The following SPCS2 variants were observed in gnomAD, a reference collection of about 807,000 sequenced individuals.
The protein encoded by SPCS2 is SPase 25 kDa subunit.
In SPCS2, 3 loss-of-function variants were observed where a neutral mutation model predicts 22.3. That is an observed-to-expected ratio of 0.13 (90% CI 0.06 to 0.35). SPCS2 has a LOEUF of 0.35. Among genes scored for constraint, SPCS2 ranks in the 10% least tolerant of loss-of-function variants. SPCS2 has a pLI of 1.00. For synonymous variants in SPCS2, 67 were observed against 97.2 expected, an observed-to-expected ratio of 0.69 and a Z score of 1.83; for missense variants, 169 against 280.9, an observed-to-expected ratio of 0.60 and a Z score of 2.85.
intron 1 of SPCS2, among the ~76,000 whole-genome samples, chr11:74,961,751 C>T (rs1948515677): frequency 6.6e-6 from 1 of 152,068 alleles, no homozygotes. Context: ...TGGTCTCGGA[C>T]TCCTAACCTC....
At chr11:74,961,157 T>C (rs951324705) in intron 1 of SPCS2, among the ~76,000 whole-genome samples, 7 of 152,180 alleles carry the variant, frequency 4.6e-5, no homozygotes, top group Admixed American at 3.3e-4. Flanking sequence ...TGATGCAGTG[T>C]ATTATATAGT....
chr11:74,972,457 G>A (rs369940133), intron 4 of SPCS2, among the ~76,000 whole-genome samples: 8 of 152,118 alleles, frequency 5.3e-5, no homozygotes, highest in South Asian at 4.2e-4. Flanking sequence ...TCCTGGGCCC[G>A]CCCCCTCCTC....
intron 4 of SPCS2, among the ~76,000 whole-genome samples, chr11:74,975,632 T>C (rs951066750): frequency 2.8e-4 from 42 of 152,192 alleles, no homozygotes; most frequent in Non-Finnish European, 3.5e-4. Context: ...GGTCAGAACT[T>C]GAGAAAATAT....
At chr11:74,950,744 T>C (rs1948413952) in intron 1 of SPCS2, among the ~76,000 whole-genome samples, 1 of 152,214 alleles carries the variant, frequency 6.6e-6, no homozygotes, top group Non-Finnish European at 1.5e-5. Flanking sequence ...AGGGTCTTAC[T>C]GTGTTGCCCT....
chr11:74,960,126 T>C (rs1355355264), intron 1 of SPCS2, among the ~76,000 whole-genome samples: 4 of 151,934 alleles, frequency 2.6e-5, no homozygotes, highest in African/African-American at 9.7e-5. Context: ...AGGCCAGGAG[T>C]TCGAGACTAG....
chr11:74,949,623 C>G (rs201130703), intron 1 of SPCS2: 1 of 595,502 alleles, frequency 1.7e-6, no homozygotes, highest in Non-Finnish European at 3.2e-6. Flanking sequence ...CGCAAGTGTT[C>G]TGGTCCTGGT....
chr11:74,975,070 G>A lies in SPCS2; in HGVS notation c.495-1787G>A, dbSNP rs114588585. ...GAGAAATTGCCAAAATCCTAAGGAT[G>A]GCTTAGAAGTCCATACATGTCTATT... is the stretch of plus-strand genomic sequence containing the variant. On this transcript the variant is annotated intron_variant, in intron 4 of 4. Transcript: ENST00000263672. Among the ~76,000 whole-genome samples the A allele has an allele frequency of 5.8e-3, 876 of 152,124 alleles. 9 individuals are homozygous for A. Among genetic ancestry groups the A allele is most frequent in the African/African-American group, 0.02 (810 of 41,496 alleles).
intron 4 of SPCS2, among the ~76,000 whole-genome samples, chr11:74,973,779 A>G: frequency 6.6e-6 from 1 of 152,064 alleles, no homozygotes; most frequent in East Asian, 1.9e-4. Context: ...GTTGTTGGGA[A>G]GATAGAAGCC....
intron 1 of SPCS2, chr11:74,963,487 C>T (rs1196920357): frequency 2.0e-5 from 7 of 343,296 alleles, no homozygotes; most frequent in East Asian, 9.3e-5. Context: ...AATTGTATTT[C>T]TGTAGTTGTT....
At chr11:74,955,552 G>C (rs891962228) in intron 1 of SPCS2, among the ~76,000 whole-genome samples, 14 of 151,978 alleles carry the variant, frequency 9.2e-5, no homozygotes, top group African/African-American at 3.1e-4. Flanking sequence ...ACAGGAATAA[G>C]ATGTGACTGC....
At chr11:74,952,922 A>AAG (rs199810843) in intron 1 of SPCS2, among the ~76,000 whole-genome samples, 1,673 of 152,308 alleles carry the variant, frequency 0.011, 33 homozygotes, top group African/African-American at 0.036. Flanking sequence ...AATATGACAT[A>AAG]CTGTCTTGTA....
chr11:74,954,928 T>C (rs1948468044), intron 1 of SPCS2, among the ~76,000 whole-genome samples: 1 of 152,120 alleles, frequency 6.6e-6, no homozygotes. Context: ...TAGACATTTC[T>C]CCATAGAAGA....
chr11:74,949,424 G>T (rs758924264), intron 1 of SPCS2, 25 bp downstream of exon 1: 2 of 1,544,880 alleles, frequency 1.3e-6, no homozygotes, highest in South Asian at 2.4e-5. Flanking sequence ...CTTGGGAACA[G>T]TTGAATCCTG....
At chr11:74,971,178 C>T (rs759420911) in intron 4 of SPCS2, among the ~76,000 whole-genome samples, 1 of 152,192 alleles carries the variant, frequency 6.6e-6, no homozygotes, top group Non-Finnish European at 1.5e-5. Context: ...ACACAAGGTT[C>T]GTTCATGTTG....
In SPCS2 at chr11:74,953,100, CTG is replaced by C. The variant is rs911077757; in HGVS notation, c.114+3702_114+3703del. On this transcript the variant is annotated intron_variant, in intron 1 of 4. Coordinates refer to ENST00000263672, the MANE Select transcript of SPCS2 (RefSeq NM_014752.3). ...GATGGTGCCTCTAATTGTTTGAAGA[CTG>C]AGGGTACTGTGGGAGAGAACTTGGG... Among the ~76,000 whole-genome samples the C allele has an allele frequency of 1.3e-3, 203 of 151,976 alleles. 1 individual carries two copies. The highest frequency in any genetic ancestry group is 4.7e-3 in the African/African-American group (196 of 41,460).
At chr11:74,962,180 A>C (rs1433565885) in intron 1 of SPCS2, among the ~76,000 whole-genome samples, 2 of 152,258 alleles carry the variant, frequency 1.3e-5, no homozygotes. Context: ...TTGAAATTTT[A>C]GATACTGGCA....
At chr11:74,971,587 C>G (rs1386746048) in intron 4 of SPCS2, among the ~76,000 whole-genome samples, 1 of 152,122 alleles carries the variant, frequency 6.6e-6, no homozygotes, top group Non-Finnish European at 1.5e-5. Flanking sequence ...TCTTCTCCCT[C>G]CCCCACCTCA....
intron 4 of SPCS2, among the ~76,000 whole-genome samples, chr11:74,970,318 A>C (rs551544173): frequency 1.3e-5 from 2 of 152,320 alleles, no homozygotes; most frequent in African/African-American, 4.8e-5. Flanking sequence ...TTATAATAAT[A>C]GCAAATGTTT....
intron 3 of SPCS2, among the ~76,000 whole-genome samples, chr11:74,967,002 C>G (rs1240583915): frequency 6.6e-6 from 1 of 152,174 alleles, no homozygotes; most frequent in East Asian, 1.9e-4. Context: ...GCAATCCTCC[C>G]AAAGTGCTGG....
Sources: allele counts gnomAD v4.1 joint callset (sites outside exome capture counted in the v4.1 genomes callset), GRCh38; gene constraint gnomAD v4.1.1; transcripts MANE v1.5; gene names NCBI Gene and HGNC (gene_info 2026-07-23, HGNC 2026-07-21).